FAT1: variants seen among roughly 807,000 people sequenced by gnomAD.
FAT1 encodes the protein protocadherin Fat 1.
Under a neutral mutation model 329.8 loss-of-function variants are expected in FAT1, and 171 were observed. That is an observed-to-expected ratio of 0.52 (90% CI 0.46 to 0.59). FAT1 has a LOEUF of 0.59. Among genes scored for constraint, FAT1 ranks in the 20% least tolerant of loss-of-function variants. FAT1 has a pLI of 0.00. For synonymous variants in FAT1, 2,233 were observed against 2,228.6 expected, an observed-to-expected ratio of 1.00 and a Z score of -0.06; for missense variants, 5,672 against 5,774.4, an observed-to-expected ratio of 0.98 and a Z score of 0.57.
intron 2 of FAT1, among the ~76,000 whole-genome samples, chr4:186,672,504 G>A (rs1188566317): frequency 6.6e-6 from 1 of 152,138 alleles, no homozygotes; most frequent in African/African-American, 2.4e-5. Flanking sequence ...GTGCCATTTT[G>A]TGAGAAGCCA....
In FAT1 at chr4:186,604,410, C is replaced by G. The variant is rs1165213386; in HGVS notation, c.10515G>C (p.Arg3505Ser). ...GCAGTAAGTAATGATCTTTCTCCTTCCTCTTGATGGCAGATGATGTCAGGA... is the reference window on the plus strand; with the variant it reads ...GCAGTAAGTAATGATCTTTCTCCTTGCTCTTGATGGCAGATGATGTCAGGA... ...GVLLTSSAIK[R>S]KEKDHYLLQV... Residue 3505 changes from arginine to serine, a missense_variant, in exon 18 of 27, where the codon AGG (arginine) becomes AGC (serine). By Grantham distance (110) the Arg-to-Ser change is moderately radical. This residue lies in a region of FAT1 where 1,706 missense variants were observed against 1,859.1 expected (regional missense o/e 0.92). Transcript: ENST00000441802. 6.2e-7 allele frequency: 1 copy of G among 1,613,570 alleles called. No homozygotes were observed. The highest frequency in any genetic ancestry group is 1.3e-5 in the African/African-American group (1 of 74,928).
intron 3 of FAT1, among the ~76,000 whole-genome samples, chr4:186,646,489 A>C (rs1200032572): frequency 6.6e-6 from 1 of 152,198 alleles, no homozygotes; most frequent in Non-Finnish European, 1.5e-5. Context: ...GCCACTATGC[A>C]CTTGAAACAG....
At position 186,593,140 on chromosome 4, in the gene FAT1, C is replaced by T. The variant is rs564306910; in HGVS notation, c.13138+2549G>A. 2.6e-5 allele frequency among the ~76,000 whole-genome samples: 4 copies of T among 152,274 alleles called. No individual in the cohort carries two copies. The East Asian group carries it at 7.7e-4, about 29-fold the overall frequency. ...AGTCTGTGGTTCGCCACTCTTCCGG[C>T]TGCTTAATCACTCACACATTGTCCC... On this transcript the variant is annotated intron_variant, in intron 26 of 26. Coordinates refer to ENST00000441802, the MANE Select transcript of FAT1 (RefSeq NM_005245.4).
In FAT1 at chr4:186,619,544, G is replaced by T. The variant is rs1278570376; in HGVS notation, c.7042C>A (p.Leu2348Met). The change falls in exon 10 of 27, where the codon CTG becomes ATG. Residue 2348 changes from leucine (L) to methionine (M), a missense_variant. Leu to Met is a conservative substitution (Grantham distance 15). Coordinates refer to ENST00000441802, the MANE Select transcript of FAT1 (RefSeq NM_005245.4). ...TGCTGCCGGGACTGCTCGTAATCCA[G>T]GGTTCTGAGTAGTGAGATGAGGCCA... is the stretch of plus-strand genomic sequence containing the variant. The part of the protein sequence containing the change: ...STGLISLLRT[L>M]DYEQSRQHTI... The T allele has an allele frequency of 2.5e-6, 4 of 1,613,788 alleles. No individual in the cohort carries two copies. Among genetic ancestry groups the T allele is most frequent in the African/African-American group, 1.3e-5 (1 of 74,904 alleles).
In FAT1 at chr4:186,636,147, T is replaced by C. The variant is rs201001818; in HGVS notation, c.4061A>G (p.Glu1354Gly). The change falls in exon 6 of 27, where the codon GAG (glutamate) becomes GGG (glycine). Residue 1354 changes from glutamate to glycine, a missense_variant. Transcript: ENST00000441802. ...EWISKPKPSL[E>G]PISFEESFFT... ...AAATGATTCTTCAAATGAAATGGGCTCCAGGGACGGTTTGGGCTTGGAGAT... is the reference window on the plus strand; with the variant it reads ...AAATGATTCTTCAAATGAAATGGGCCCCAGGGACGGTTTGGGCTTGGAGAT... The C allele has an allele frequency of 3.9e-4, 636 of 1,614,030 alleles. No individual in the cohort carries two copies. Among genetic ancestry groups the C allele is most frequent in the Non-Finnish European group, 5.0e-4 (594 of 1,179,894 alleles).
rs775459361 is a variant in FAT1 at position 186,707,461 on chromosome 4, G to T, written c.2367C>A (p.Thr789=). 8.1e-6 allele frequency: 13 copies of T among 1,613,784 alleles called. No homozygotes were observed. The highest frequency in any genetic ancestry group is 2.7e-5 in the African/African-American group (2 of 74,864). ...CAAGGTCATAGACGGTAATATTCAG[G>T]GTGTATTTGTCTGTTGTTTCACGGT... is the stretch of plus-strand genomic sequence containing the variant. The part of the protein sequence containing the change: ...PLDRETTDKY[T]LNITVYDLGI... The change falls in exon 2 of 27, where the codon ACC becomes ACA. Residue 789 remains threonine, a synonymous_variant. Coordinates refer to ENST00000441802, the MANE Select transcript of FAT1 (RefSeq NM_005245.4).
At chr4:186,628,910 C>T in intron 7 of FAT1, 147 bp from the exon 8 acceptor site, 2 of 747,742 alleles carry the variant, frequency 2.7e-6, no homozygotes, top group Non-Finnish European at 2.1e-6. Flanking sequence ...TAGAATCATA[C>T]ATTTCTTAAA....
intron 25 of FAT1, among the ~76,000 whole-genome samples, 174 bp from the exon 26 acceptor site, chr4:186,596,000 C>G (rs1029345902): frequency 6.6e-6 from 1 of 151,988 alleles, no homozygotes; most frequent in Non-Finnish European, 1.5e-5. Context: ...ATAAAAAACC[C>G]CTGCACAGAA....
chr4:186,695,787 AC>A (rs1744002687), intron 2 of FAT1, among the ~76,000 whole-genome samples: 1 of 151,682 alleles, frequency 6.6e-6, no homozygotes, highest in African/African-American at 2.4e-5. Flanking sequence ...ACACACACAC[AC>A]ACACACACAC....
Position 186,709,180 on chromosome 4 carries a change from C to T in FAT1, c.648G>A (p.Lys216=), listed in dbSNP as rs1306313566. 5.0e-6 allele frequency: 8 copies of T among 1,613,992 alleles called. No individual in the cohort carries two copies. Among genetic ancestry groups the T allele is most frequent in the Admixed American group, 3.3e-5 (2 of 60,028 alleles). The change falls in exon 2 of 27, where the codon AAG becomes AAA. Residue 216 remains lysine (K), a synonymous_variant. Transcript: ENST00000441802. ...CAGCGAGGATTTCCATCTCATAGAG[C>T]TTGGTCTCTAGGTAATCAAGTCTAC... is the stretch of plus-strand genomic sequence containing the variant. ...LTGRLDYLET[K]LYEMEILAAD...
rs1373371916 is a variant in FAT1 at position 186,708,341 on chromosome 4, CCGTTCT to C, written c.1481_1486del (p.Glu494_Asn495del). 1 of 1,613,680 alleles carries C rather than the reference CCGTTCT, an allele frequency of 6.2e-7. No homozygotes were observed. Among genetic ancestry groups the C allele is most frequent in the Non-Finnish European group, 8.5e-7 (1 of 1,179,846 alleles). On this transcript the variant is annotated inframe_deletion, in exon 2 of 27. Coordinates refer to ENST00000441802, the MANE Select transcript of FAT1 (RefSeq NM_005245.4). ...ATTTGCGATACTGTATGTCACGTAC[CCGTTCT>C]CACCCTCATCAGGGTCTACGGCACT...
At chr4:186,591,181 A>G (rs1279254443) in intron 26 of FAT1, among the ~76,000 whole-genome samples, 1 of 152,246 alleles carries the variant, frequency 6.6e-6, no homozygotes, top group African/African-American at 2.4e-5. Flanking sequence ...TGTTATGAGG[A>G]TTAAACAGGA....
intron 16 of FAT1, among the ~76,000 whole-genome samples, chr4:186,608,338 A>G (rs1337726853): frequency 6.6e-6 from 1 of 152,184 alleles, no homozygotes; most frequent in Non-Finnish European, 1.5e-5. Flanking sequence ...TACAGTATCA[A>G]TGCAATGTAA....
intron 26 of FAT1, among the ~76,000 whole-genome samples, chr4:186,595,119 T>C (rs563753098): frequency 7.9e-5 from 12 of 152,296 alleles, no homozygotes; most frequent in Admixed American, 3.3e-4. Flanking sequence ...ACTTTCTTCA[T>C]TAGAAATATA....
chr4:186,631,955 T>C (rs940513139), intron 7 of FAT1, among the ~76,000 whole-genome samples: 12 of 115,714 alleles, frequency 1.0e-4, no homozygotes, highest in Admixed American at 3.8e-4. Flanking sequence ...TAAACACAAA[T>C]CATTCCCTTT....
At chr4:186,723,044 G>A (rs1745530484) in intron 1 of FAT1, among the ~76,000 whole-genome samples, 3 of 152,166 alleles carry the variant, frequency 2.0e-5, no homozygotes, top group African/African-American at 7.2e-5. Context: ...CTAAAAGAAA[G>A]CATTTTTTTT....
At chr4:186,626,938 A>G (rs1382119334) in intron 9 of FAT1, among the ~76,000 whole-genome samples, 2 of 65,442 alleles carry the variant, frequency 3.1e-5, no homozygotes, top group African/African-American at 1.5e-4. Context: ...AGCCCACAGA[A>G]TGAATGAATG....
chr4:186,603,982 A>G lies in FAT1; in HGVS notation c.10549-5T>C, dbSNP rs1320237939. 11 of 1,598,878 alleles carry G rather than the reference A, an allele frequency of 6.9e-6. No homozygotes were observed. Among genetic ancestry groups the G allele is most frequent in the African/African-American group, 1.3e-5 (1 of 74,332 alleles). Reference sequence around the variant, plus strand: ...AGGCTTTCCATTATCTGCCACCTACAAGAAAAGAAAAATAAAATCACCTTT... The same window carrying G: ...AGGCTTTCCATTATCTGCCACCTACGAGAAAAGAAAAATAAAATCACCTTT... On this transcript the variant is annotated splice_polypyrimidine_tract_variant and splice_region_variant and intron_variant, in intron 18 of 26. Transcript: ENST00000441802.
At chr4:186,612,341 G>C (rs1006251116) in intron 13 of FAT1, among the ~76,000 whole-genome samples, 1 of 151,944 alleles carries the variant, frequency 6.6e-6, no homozygotes, top group African/African-American at 2.4e-5. Flanking sequence ...GTTTATCATT[G>C]AGCTTTGGTG....
Sources: gnomAD v4.1 joint callset for allele counts (sites outside exome capture counted in the v4.1 genomes callset) on GRCh38, gnomAD v4.1.1 for gene constraint, gnomAD v4.1.1 regional missense constraint, MANE v1.5 for transcripts, NCBI Gene and HGNC (gene_info 2026-07-23, HGNC 2026-07-21) for gene names.